The following FRMD4A variants were observed in gnomAD, a reference collection of about 807,000 sequenced individuals.
FRMD4A encodes FERM domain-containing protein 4A.
FRMD4A carries 29 observed loss-of-function variants against 129.1 expected under a neutral mutation model. The observed-to-expected ratio is 0.22, with a 90% CI of 0.17 to 0.31. The LOEUF (loss-of-function observed/expected upper bound fraction) is 0.31. Among genes scored for constraint, FRMD4A ranks in the 10% least tolerant of loss-of-function variants. The pLI, the probability that FRMD4A is intolerant of heterozygous loss-of-function variation, is 1.00. For missense variants in FRMD4A, 1,272 were observed against 1,375.8 expected, an observed-to-expected ratio of 0.92 and a Z score of 1.19; for synonymous variants, 634 against 571.6, an observed-to-expected ratio of 1.11 and a Z score of -1.56.
At chr10:14,330,286 G>A (rs1843466323) in intron 1 of FRMD4A, 103 bp from the exon 2 acceptor site, 2 of 604,592 alleles carry the variant, frequency 3.3e-6, no homozygotes, top group African/African-American at 1.9e-5. Flanking sequence ...GGAAGACAGG[G>A]TGGGAACTGT....
intron 2 of FRMD4A, among the ~76,000 whole-genome samples, chr10:13,968,488 T>A (rs2095498655): frequency 6.6e-6 from 1 of 152,192 alleles, no homozygotes; most frequent in African/African-American, 2.4e-5. Context: ...GTCTCACTCT[T>A]CTCACCCAGG....
chr10:14,219,277 A>G (rs370521434), intron 2 of FRMD4A, among the ~76,000 whole-genome samples: 52 of 152,214 alleles, frequency 3.4e-4, no homozygotes, highest in African/African-American at 1.1e-3. Flanking sequence ...AGGGGCAACC[A>G]TTCTTCTGTG....
At chr10:14,258,845 C>T (rs920671380) in intron 2 of FRMD4A, among the ~76,000 whole-genome samples, 2 of 152,094 alleles carry the variant, frequency 1.3e-5, no homozygotes, top group Non-Finnish European at 2.9e-5. Flanking sequence ...AATATTGACA[C>T]ATGTGACAAT....
intron 10 of FRMD4A, 54 bp from the exon 11 acceptor site, chr10:13,740,305 G>C (rs932891517): frequency 5.0e-6 from 6 of 1,208,776 alleles, no homozygotes; most frequent in Non-Finnish European, 7.4e-6. Context: ...CAAAAGGCTA[G>C]TTATTCAGCA....
intron 2 of FRMD4A, among the ~76,000 whole-genome samples, chr10:14,085,637 C>A (rs780855805): frequency 6.6e-6 from 1 of 152,170 alleles, no homozygotes; most frequent in Non-Finnish European, 1.5e-5. Flanking sequence ...GGCCACCATG[C>A]GCCAGAGAGC....
intron 2 of FRMD4A, among the ~76,000 whole-genome samples, chr10:13,954,371 A>T (rs1009271562): frequency 2.0e-5 from 3 of 152,170 alleles, no homozygotes; most frequent in African/African-American, 7.2e-5. Flanking sequence ...GGCAGCAGGC[A>T]AGAGAGAGCG....
At chr10:13,755,031 G>C (rs540309692) in intron 8 of FRMD4A, among the ~76,000 whole-genome samples, 1 of 152,078 alleles carries the variant, frequency 6.6e-6, no homozygotes, top group Non-Finnish European at 1.5e-5. Context: ...AAATGATATT[G>C]GTATACTAGG....
intron 3 of FRMD4A, among the ~76,000 whole-genome samples, chr10:13,836,293 G>A (rs1306622969): frequency 2.6e-5 from 4 of 152,112 alleles, no homozygotes; most frequent in Admixed American, 6.5e-5. Flanking sequence ...CCAAAGCACC[G>A]GGCCAGGATT....
intron 2 of FRMD4A, among the ~76,000 whole-genome samples, chr10:14,073,789 G>T (rs915745980): frequency 2.0e-5 from 3 of 152,116 alleles, no homozygotes; most frequent in Non-Finnish European, 4.4e-5. Flanking sequence ...ACTGGAGGTT[G>T]CCCTGTATAA....
intron 2 of FRMD4A, among the ~76,000 whole-genome samples, chr10:13,902,779 G>T (rs1422754309): frequency 1.3e-5 from 2 of 150,386 alleles, no homozygotes; most frequent in Admixed American, 1.3e-4. Flanking sequence ...GGTGGAGATT[G>T]CAGTGAGCCA....
intron 6 of FRMD4A, among the ~76,000 whole-genome samples, chr10:13,776,560 CTGTT>C (rs1166328791): frequency 1.3e-5 from 2 of 152,204 alleles, no homozygotes; most frequent in Non-Finnish European, 2.9e-5. Context: ...AGGGAGGAAG[CTGTT>C]TGTCATAATC....
At chr10:14,281,942 T>C (rs762616500) in intron 2 of FRMD4A, among the ~76,000 whole-genome samples, 83 of 152,210 alleles carry the variant, frequency 5.5e-4, no homozygotes, top group Non-Finnish European at 6.5e-4. Context: ...TACCCAGAGA[T>C]TGGGTGATTT....
intron 15 of FRMD4A, chr10:13,685,353 A>G: frequency 1.0e-6 from 1 of 984,818 alleles, no homozygotes; most frequent in Non-Finnish European, 1.2e-6. Flanking sequence ...ATGTAATTTA[A>G]CAGAGAGAGA....
At position 14,249,116 on chromosome 10, in the gene FRMD4A, T is replaced by C. The variant is rs112737737; in HGVS notation, c.45+80942A>G. ...CTGTAATCCCAGCACTTTGGGAGGC[T>C]GAGGCGGCTGGATCACCTGAGGTCA... is the stretch of plus-strand genomic sequence containing the variant. On this transcript the variant is annotated intron_variant, in intron 2 of 24. Transcript: ENST00000357447. 1.6e-3 allele frequency among the ~76,000 whole-genome samples: 251 copies of C among 152,218 alleles called. 1 individual carries two copies. Among genetic ancestry groups the C allele is most frequent in the African/African-American group, 5.7e-3 (238 of 41,540 alleles).
chr10:14,021,182 A>C (rs1157386410), intron 2 of FRMD4A, among the ~76,000 whole-genome samples: 1 of 151,950 alleles, frequency 6.6e-6, no homozygotes, highest in Non-Finnish European at 1.5e-5. Flanking sequence ...CTCCCTCTCA[A>C]TTTTCTTTGG....
chr10:14,112,960 T>C (rs1241681735), intron 2 of FRMD4A, among the ~76,000 whole-genome samples: 1 of 151,944 alleles, frequency 6.6e-6, no homozygotes, highest in Non-Finnish European at 1.5e-5. Flanking sequence ...GGTGTAAGTG[T>C]GGGTTAAGAG....
At chr10:14,268,873 C>T (rs1053706871) in intron 2 of FRMD4A, among the ~76,000 whole-genome samples, 6 of 151,600 alleles carry the variant, frequency 4.0e-5, no homozygotes, top group Non-Finnish European at 8.9e-5. Flanking sequence ...TGCTTCTAAA[C>T]ACTCCAAATC....
intron 22 of FRMD4A, 95 bp from the exon 23 acceptor site, chr10:13,654,607 C>T: frequency 2.7e-6 from 2 of 727,614 alleles, no homozygotes; most frequent in Non-Finnish European, 2.4e-6. Flanking sequence ...AACCCAGTGG[C>T]CAGAGGTCAC....
intron 2 of FRMD4A, among the ~76,000 whole-genome samples, chr10:14,185,518 T>G (rs1190648162): frequency 2.0e-5 from 3 of 149,462 alleles, no homozygotes; most frequent in Non-Finnish European, 4.5e-5. Context: ...TTTTGGAGGT[T>G]TGTTGTAGAA....
Sources: allele counts gnomAD v4.1 joint callset (sites outside exome capture counted in the v4.1 genomes callset), GRCh38; gene constraint gnomAD v4.1.1; transcripts MANE v1.5; gene names NCBI Gene and HGNC (gene_info 2026-07-23, HGNC 2026-07-21).